Variants in NOL11 observed in about 807,000 individuals in gnomAD.
The protein encoded by NOL11 is nucleolar protein 11.
A neutral mutation model predicts 93.0 loss-of-function variants in NOL11; 42 were observed. The ratio of observed to expected loss-of-function variants is 0.45; its 90% confidence interval spans 0.35 to 0.58. NOL11 has a LOEUF of 0.58. Ranked by LOEUF, NOL11 falls within the 20% of genes least tolerant of loss-of-function variation. The pLI is 0.00. For missense variants in NOL11, 775 were observed against 841.8 expected (o/e 0.92, Z 0.98); for synonymous variants, 296 against 293.7 (o/e 1.01, Z -0.08).
In NOL11 at chr17:67,719,759, G is replaced by A. The variant is rs753599497; in HGVS notation, c.227G>A (p.Gly76Glu). Residue 76 changes from glycine to glutamate, a missense_variant, in exon 2 of 18, where the codon GGA becomes GAA. Physicochemically the swap from Gly to Glu is moderately conservative, Grantham distance 98. Around this residue, in one of 2 missense-constraint regions of NOL11, gnomAD observed 359 missense variants for 316.5 expected, o/e 1.13. Coordinates refer to ENST00000253247, the MANE Select transcript of NOL11 (RefSeq NM_015462.5). ...TCPAVCNFQTGEYVVVHDNKV... is the reference protein window; with the variant it reads ...TCPAVCNFQTEEYVVVHDNKV... ...CCAGCTGTGTGCAACTTTCAAACTG[G>A]AGAGTATGTTGTTGTACACGATAAT... 7.5e-6 allele frequency: 12 copies of A among 1,608,604 alleles called. No homozygotes were observed. In the African/African-American group the frequency reaches 1.5e-4, roughly 20 times the overall value.
chr17:67,738,972 C>T lies in NOL11; in HGVS notation c.1804C>T (p.Leu602=), dbSNP rs2055229581. ...LHSAYSETFL[L]PHLKDIPAQH... The stretch of plus-strand genomic sequence containing the variant: ...TTCAGCATATAGCGAGACATTTCTT[C>T]TGCCTCATTTGAAAGACATCCCAGC... Residue 602 remains leucine, a synonymous_variant, in exon 15 of 18, where the codon CTG becomes TTG. Transcript: ENST00000253247. The T allele has an allele frequency of 6.2e-7, 1 of 1,613,068 alleles. No individual in the cohort carries two copies. Among genetic ancestry groups the T allele is most frequent in the Non-Finnish European group, 8.5e-7 (1 of 1,179,238 alleles).
In NOL11 at chr17:67,722,635, AAAGT is replaced by A; in HGVS notation, c.519+3_519+6del. On this transcript the variant is annotated splice_donor_variant and coding_sequence_variant, in exon 5 of 18. Coordinates refer to ENST00000253247, the MANE Select transcript of NOL11 (RefSeq NM_015462.5). LOFTEE classifies it high-confidence loss of function. The stretch of plus-strand genomic sequence containing the variant: ...TCCTGTTTTAATTTTTATTACTGAA[AAAGT>A]AAGTGATATCTTCAATTCCTGGCCC... The A allele has an allele frequency of 6.4e-7, 1 of 1,569,638 alleles. No homozygotes were observed. Among genetic ancestry groups the A allele is most frequent in the Non-Finnish European group, 8.6e-7 (1 of 1,167,138 alleles).
rs370309954 is a variant in NOL11, at chr17:67,743,866, C to T, written c.*7C>T. ...AGTGCTGGAGCTCTTCTGATATTAT[C>T]AATTCTCCTTCATAGACATTTTATA... On this transcript the variant is annotated 3_prime_UTR_variant, in exon 18 of 18. Coordinates refer to ENST00000253247, the MANE Select transcript of NOL11 (RefSeq NM_015462.5). 1.6e-6 allele frequency: 2 copies of T among 1,243,970 alleles called. No individual in the cohort carries two copies. The highest frequency in any genetic ancestry group is 2.3e-6 in the Non-Finnish European group (2 of 881,696). The allele number at this position is 1,243,970 out of a possible 1,614,324, so 77.1% of individuals were successfully genotyped here. A position where few individuals can be genotyped will look rare whatever the true frequency, so the allele number is the denominator to read the frequency against.
chr17:67,737,230 A>G lies in NOL11; in HGVS notation c.1218+85A>G, dbSNP rs796596152. 7.0e-6 allele frequency: 6 copies of G among 858,724 alleles called. No individual in the cohort carries two copies. In the African/African-American group the frequency reaches 1.0e-4, roughly 15 times the overall value. 53.2% of individuals were successfully genotyped at this position (858,724 alleles called of 1,614,324 possible). A position where few individuals can be genotyped will look rare whatever the true frequency, so the allele number is the denominator to read the frequency against. ...CTACTCTTCGTTCTGTCTTATTTTT[A>G]TGATCATCTTTATACCTATAGCTAA... On this transcript the variant is annotated intron_variant, in intron 11 of 17. Transcript: ENST00000253247.
rs573894413 is a variant in NOL11 at position 67,734,503 on chromosome 17, G to A, written c.930+64G>A. 23 of 1,023,078 alleles carry A rather than the reference G, an allele frequency of 2.2e-5. No homozygotes were observed. The South Asian group carries it at 2.5e-4, about 11-fold the overall frequency. The allele number at this position is 1,023,078 out of a possible 1,614,324, so 63.4% of individuals were successfully genotyped here. On this transcript the variant is annotated intron_variant, in intron 8 of 17. Coordinates refer to ENST00000253247, the MANE Select transcript of NOL11 (RefSeq NM_015462.5). ...ATTTTGTTGTGTTTTGTTTTGCTTT[G>A]TTTTGAGATGGGGCCTCACTCTGTT...
At position 67,738,374 on chromosome 17, in the gene NOL11, C is replaced by G; in HGVS notation, c.1763+19C>G. Reference sequence around the variant, plus strand: ...CTCTACTGTATCCTTTGACATAGAGCATCCCTCTGTTTCTCTTTATAGGAT... The same window carrying G: ...CTCTACTGTATCCTTTGACATAGAGGATCCCTCTGTTTCTCTTTATAGGAT... On this transcript the variant is annotated intron_variant, in intron 14 of 17. Transcript: ENST00000253247. The G allele has an allele frequency of 6.6e-7, 1 of 1,512,254 alleles. No homozygotes were observed. The highest frequency in any genetic ancestry group is 9.1e-7 in the Non-Finnish European group (1 of 1,094,958). The allele number at this position is 1,512,254 out of a possible 1,614,324, so 93.7% of individuals were successfully genotyped here.
At chr17:67,743,272 A>G in intron 16 of NOL11, 1 of 352,898 alleles carries the variant, frequency 2.8e-6, no homozygotes, top group South Asian at 5.0e-5. Flanking sequence ...CATCTCTAAA[A>G]TTTTTTTTAA....
At chr17:67,733,320 G>A (rs77881369) in intron 7 of NOL11, among the ~76,000 whole-genome samples, 6,315 of 152,158 alleles carry the variant, frequency 0.042, 366 homozygotes, top group East Asian at 0.26. Flanking sequence ...AGCCAAGATC[G>A]TGCCACTGCA....
In NOL11 at chr17:67,731,454, G is replaced by A. The variant is rs2055153775; in HGVS notation, c.854-2909G>A. On this transcript the variant is annotated intron_variant, in intron 7 of 17. Transcript: ENST00000253247. Reference sequence around the variant, plus strand: ...AATTTTTTGTATTTTTAGTAGAGACGGGGTTTCACCGTGGTCTCGATCTCC... The same window carrying A: ...AATTTTTTGTATTTTTAGTAGAGACAGGGTTTCACCGTGGTCTCGATCTCC... Among the ~76,000 whole-genome samples, 2 of 3,574 alleles carry A rather than the reference G, an allele frequency of 5.6e-4. 1 individual carries two copies. The highest frequency in any genetic ancestry group is 1.2e-3 in the African/African-American group (2 of 1,674). The allele number at this position is 3,574 out of a possible 152,430, so 2.3% of individuals were successfully genotyped here.
chr17:67,737,662 A>C lies in NOL11; in HGVS notation c.1373A>C (p.Gln458Pro). 6.2e-7 allele frequency: 1 copy of C among 1,613,754 alleles called. No homozygotes were observed. The highest frequency in any genetic ancestry group is 8.5e-7 in the Non-Finnish European group (1 of 1,179,892). ...TTTTATCCCCGGAACTGTCTGATGC[A>C]GCTTATCCAAACGCATGTGCTTTCT... Reference protein sequence around the residue: ...PSFYPRNCLMQLIQTHVLSYS... With the variant: ...PSFYPRNCLMPLIQTHVLSYS... The change falls in exon 12 of 18, where the codon CAG becomes CCG. Residue 458 changes from glutamine to proline, a missense_variant. By Grantham distance (76) the Gln-to-Pro change is moderately conservative (BLOSUM62 -1). Coordinates refer to ENST00000253247, the MANE Select transcript of NOL11 (RefSeq NM_015462.5).
At position 67,719,940 on chromosome 17, in the gene NOL11, T is replaced by A; in HGVS notation, c.290T>A (p.Leu97Gln). Residue 97 changes from leucine to glutamine, a missense_variant, in exon 3 of 18, where the codon CTG (leucine) becomes CAG (glutamine). By Grantham distance (113) the Leu-to-Gln change is moderately radical (BLOSUM62 -2). Around this residue, in one of 2 missense-constraint regions of NOL11, gnomAD observed 359 missense variants for 316.5 expected, o/e 1.13. Coordinates refer to ENST00000253247, the MANE Select transcript of NOL11 (RefSeq NM_015462.5). ...ATATGGAATAATGAAGATGTAAACC[T>A]GGATAAAGTATTTAAAGCTACAGTA... The part of the protein sequence containing the change: ...LRIWNNEDVN[L>Q]DKVFKATLSA... The A allele has an allele frequency of 6.4e-7, 1 of 1,571,968 alleles. No individual in the cohort carries two copies. Among genetic ancestry groups the A allele is most frequent in the Non-Finnish European group, 8.6e-7 (1 of 1,156,666 alleles).
At position 67,726,898 on chromosome 17, in the gene NOL11, G is replaced by A. The variant is rs1387454806; in HGVS notation, c.853+250G>A. On this transcript the variant is annotated intron_variant, in intron 7 of 17. Coordinates refer to ENST00000253247, the MANE Select transcript of NOL11 (RefSeq NM_015462.5). ...AACTATGTCATAAAGAAATAAAAATGGCGAATATACTAGTCACCATCATAC... is the reference window on the plus strand; with the variant it reads ...AACTATGTCATAAAGAAATAAAAATAGCGAATATACTAGTCACCATCATAC... 9 of 342,370 alleles carry A rather than the reference G, an allele frequency of 2.6e-5. No individual in the cohort carries two copies. In the South Asian group the frequency reaches 6.2e-4, roughly 24 times the overall value. 21.2% of individuals were successfully genotyped at this position (342,370 alleles called of 1,614,324 possible).
chr17:67,737,186 T>G, intron 11 of NOL11, 41 bp downstream of exon 11: 1 of 1,245,924 alleles, frequency 8.0e-7, no homozygotes, highest in South Asian at 1.2e-5. Flanking sequence ...CAAACTCAAG[T>G]GTTCCAAAGA....
chr17:67,737,333 T>C (rs2055211559), intron 11 of NOL11, among the ~76,000 whole-genome samples, 175 bp from the exon 12 acceptor site: 1 of 152,220 alleles, frequency 6.6e-6, no homozygotes, highest in African/African-American at 2.4e-5. Context: ...CCTCATGAGA[T>C]TGATATGGTG....
chr17:67,722,570 T>G lies in NOL11; in HGVS notation c.462-10T>G. 6.4e-7 allele frequency: 1 copy of G among 1,567,576 alleles called. No homozygotes were observed. Among genetic ancestry groups the G allele is most frequent in the Non-Finnish European group, 8.6e-7 (1 of 1,166,390 alleles). ...GCATCCTATAATTTTTCTTTTTTCT[T>G]TTTTTGTAGATGGACAAAGTTTTTC... On this transcript the variant is annotated splice_polypyrimidine_tract_variant and intron_variant, in intron 4 of 17. Coordinates refer to ENST00000253247, the MANE Select transcript of NOL11 (RefSeq NM_015462.5).
chr17:67,726,704 CT>C, intron 7 of NOL11, 56 bp downstream of exon 7: 5 of 1,256,532 alleles, frequency 4.0e-6, no homozygotes, highest in South Asian at 1.8e-5. Context: ...CACGGTGTAC[CT>C]TTTAGTCTTC....
intron 7 of NOL11, among the ~76,000 whole-genome samples, chr17:67,729,006 A>G (rs2055125700): frequency 6.6e-6 from 1 of 150,864 alleles, no homozygotes; most frequent in South Asian, 2.1e-4. Context: ...ATTTATCTTT[A>G]ATTTTTGGTA....
chr17:67,743,973 G>T lies in NOL11; in HGVS notation c.*114G>T, dbSNP rs757664688. On this transcript the variant is annotated 3_prime_UTR_variant, in exon 18 of 18. Transcript: ENST00000253247. ...ACCATCTCAGTGTCAAGAGAAACGTGTCAGTGAGTACCTGGACCATCACTT... is the reference window on the plus strand; with the variant it reads ...ACCATCTCAGTGTCAAGAGAAACGTTTCAGTGAGTACCTGGACCATCACTT... 5.1e-6 allele frequency: 3 copies of T among 587,572 alleles called. No individual in the cohort carries two copies. The highest frequency in any genetic ancestry group is 8.9e-6 in the Non-Finnish European group (3 of 335,804). 36.4% of individuals were successfully genotyped at this position (587,572 alleles called of 1,614,324 possible).
intron 4 of NOL11, 57 bp from the exon 5 acceptor site, chr17:67,722,523 T>C (rs2043225165): frequency 2.6e-6 from 4 of 1,536,748 alleles, no homozygotes; most frequent in Admixed American, 2.4e-5. Flanking sequence ...GATTGATATG[T>C]GTCTCCCAGC....
Sources: allele counts gnomAD v4.1 joint callset (sites outside exome capture counted in the v4.1 genomes callset), GRCh38; gene constraint gnomAD v4.1.1; regional missense constraint gnomAD v4.1.1; transcripts MANE v1.5; gene names NCBI Gene and HGNC (gene_info 2026-07-23, HGNC 2026-07-21).